Variants in OXNAD1 observed in about 807,000 individuals in gnomAD.
OXNAD1 encodes oxidoreductase NAD-binding domain-containing protein 1.
OXNAD1 carries 34 observed loss-of-function variants against 32.9 expected under a neutral mutation model. The observed-to-expected ratio is 1.03, with a 90% CI of 0.79 to 1.38. The LOEUF (loss-of-function observed/expected upper bound fraction) is 1.38. Among genes scored for constraint, OXNAD1 ranks in the 40% most tolerant of loss-of-function variants. OXNAD1 has a pLI of 0.00. For missense variants in OXNAD1, 407 were observed against 379.4 expected (o/e 1.07, Z -0.60); for synonymous variants, 134 against 135.2 (o/e 0.99, Z 0.06).
Position 16,265,234 on chromosome 3 carries a change from A to C in OXNAD1, c.-430A>C. ...GGAGTATTCCAGGCGCCTGCAACTA[A>C]ACGTGGCCGGGTCTGCAAGCTAGGT... On this transcript the variant is annotated 5_prime_UTR_variant, in exon 1 of 9. Coordinates refer to ENST00000285083, the MANE Select transcript of OXNAD1 (RefSeq NM_138381.5). This position sits in a 1 kb window ranked among gnomAD's most constrained non-coding sequence, Gnocchi z 4.8. 1 of 258,366 alleles carries C rather than the reference A, an allele frequency of 3.9e-6. No homozygotes were observed. Among genetic ancestry groups the C allele is most frequent in the Non-Finnish European group, 7.5e-6 (1 of 132,828 alleles). The allele number at this position is 258,366 out of a possible 1,614,324, so 16.0% of individuals were successfully genotyped here.
At chr3:16,350,473 C>G (rs1286647663), downstream of OXNAD1, among the ~76,000 whole-genome samples, 1 of 149,604 alleles carries the variant, frequency 6.7e-6, no homozygotes, top group Non-Finnish European at 1.5e-5. Flanking sequence ...TTTAAATGAG[C>G]TCAAGCTGAG....
chr3:16,276,502 C>T, intron 4 of OXNAD1: 1 of 165,424 alleles, frequency 6.0e-6, no homozygotes, highest in Non-Finnish European at 1.2e-5. Flanking sequence ...ACTAGAAACC[C>T]ATCAATCTTG....
At position 16,303,662 on chromosome 3, in the gene OXNAD1, T is replaced by A. The variant is rs544034499; in HGVS notation, c.*100T>A. On this transcript the variant is annotated 3_prime_UTR_variant, in exon 9 of 9. Coordinates refer to ENST00000285083, the MANE Select transcript of OXNAD1 (RefSeq NM_138381.5). This position sits in a 1 kb window ranked among gnomAD's most constrained non-coding sequence, Gnocchi z 4.8. The stretch of plus-strand genomic sequence containing the variant: ...ATTTTTTTTATCTCTACTTGAGTTG[T>A]CTTATTTTTTAAGGCTATAAACTTA... The A allele has an allele frequency of 7.7e-7, 1 of 1,290,648 alleles. No individual in the cohort carries two copies. The highest frequency in any genetic ancestry group is 1.7e-5 in the South Asian group (1 of 58,116). 79.9% of individuals were successfully genotyped at this position (1,290,648 alleles called of 1,614,324 possible).
chr3:16,326,885 A>T (rs1395418132), intron 9 of OXNAD1: 1 of 1,610,554 alleles, frequency 6.2e-7, no homozygotes, highest in Admixed American at 1.7e-5. Context: ...CCCTGGGGGA[A>T]CAAGGCCAGC....
rs1237604248 is a variant in OXNAD1 at position 16,303,977 on chromosome 3, ATAATT to A, written c.*419_*423del. On this transcript the variant is annotated 3_prime_UTR_variant, in exon 9 of 9. Transcript: ENST00000285083. This position sits in a 1 kb window ranked among gnomAD's most constrained non-coding sequence, Gnocchi z 4.8. ...TATATATCTTATGTTTAATGAAAGTATAATTTAAATACAATCTTAATAATTTTACT... is the reference window on the plus strand; with the variant it reads ...TATATATCTTATGTTTAATGAAAGTATAAATACAATCTTAATAATTTTACT... 2 of 152,864 alleles carry A rather than the reference ATAATT, an allele frequency of 1.3e-5. No homozygotes were observed. The highest frequency in any genetic ancestry group is 1.9e-4 in the East Asian group (1 of 5,230). The allele number at this position is 152,864 out of a possible 1,614,324, so 9.5% of individuals were successfully genotyped here. A position where few individuals can be genotyped will look rare whatever the true frequency, so the allele number is the denominator to read the frequency against.
Position 16,265,904 on chromosome 3 carries a change from C to G in OXNAD1, c.-159+399C>G. The G allele has an allele frequency of 2.0e-6, 2 of 985,048 alleles. No homozygotes were observed. Among genetic ancestry groups the G allele is most frequent in the Non-Finnish European group, 2.4e-6 (2 of 829,618 alleles). The allele number at this position is 985,048 out of a possible 1,614,324, so 61.0% of individuals were successfully genotyped here. On this transcript the variant is annotated intron_variant, in intron 1 of 8. Coordinates refer to ENST00000285083, the MANE Select transcript of OXNAD1 (RefSeq NM_138381.5). The surrounding 1 kb of genome is among the most constrained non-coding windows in gnomAD (Gnocchi z 4.8). Reference sequence around the variant, plus strand: ...TTGTGAAAGAAATGGTGTCAGTAGGCAGGTTTATCAGTGTGAGGCCTATGT... The same window carrying G: ...TTGTGAAAGAAATGGTGTCAGTAGGGAGGTTTATCAGTGTGAGGCCTATGT...
intron 4 of OXNAD1, chr3:16,276,113 A>G (rs1371204761): frequency 6.0e-6 from 1 of 166,468 alleles, no homozygotes; most frequent in African/African-American, 2.4e-5. Flanking sequence ...AGCCTGGGCA[A>G]CAGAGTAAGA....
chr3:16,295,470 G>A (rs2066722242), intron 6 of OXNAD1, among the ~76,000 whole-genome samples: 1 of 152,110 alleles, frequency 6.6e-6, no homozygotes, highest in African/African-American at 2.4e-5. Context: ...TGTCTGGAAA[G>A]CTCTTCACTC....
chr3:16,323,358 G>C, intron 9 of OXNAD1: 1 of 1,568,794 alleles, frequency 6.4e-7, no homozygotes, highest in South Asian at 1.1e-5. Flanking sequence ...ACCTAGGAAG[G>C]CCATCAAAGT....
At chr3:16,310,106 A>C (rs1367695949), downstream of OXNAD1, among the ~76,000 whole-genome samples, 2 of 152,252 alleles carry the variant, frequency 1.3e-5, no homozygotes, top group Non-Finnish European at 2.9e-5. Context: ...TAGTGGAATT[A>C]CCGTTAGTAA....
Position 16,316,440 on chromosome 3 carries a change from G to C in OXNAD1, c.*30+12848G>C. ...CCCACACGATGTGGGATGAACAGCAGCCTTGGTTTGTAGCCCAGGGTGTCC... is the reference window on the plus strand; with the variant it reads ...CCCACACGATGTGGGATGAACAGCACCCTTGGTTTGTAGCCCAGGGTGTCC... On this transcript the variant is annotated intron_variant, in intron 9 of 9. Coordinates refer to the OXNAD1 transcript ENST00000435829. The surrounding 1 kb of genome is among the most constrained non-coding windows in gnomAD (Gnocchi z 4.5). 1 of 281,660 alleles carries C rather than the reference G, an allele frequency of 3.6e-6. No individual in the cohort carries two copies. The highest frequency in any genetic ancestry group is 6.8e-6 in the Non-Finnish European group (1 of 146,734). 17.4% of individuals were successfully genotyped at this position (281,660 alleles called of 1,614,324 possible).
At chr3:16,292,455 A>G (rs2066497654) in intron 5 of OXNAD1, among the ~76,000 whole-genome samples, 1 of 152,100 alleles carries the variant, frequency 6.6e-6, no homozygotes, top group Admixed American at 6.5e-5. Flanking sequence ...GGCCTCCCAA[A>G]GTGCTGGGAT....
In OXNAD1 at chr3:16,334,828, T is replaced by C. The variant is rs1006509924; in HGVS notation, c.*31-2284T>C. Among the ~76,000 whole-genome samples, 1 of 151,980 alleles carries C rather than the reference T, an allele frequency of 6.6e-6. No individual in the cohort carries two copies. The highest frequency in any genetic ancestry group is 2.4e-5 in the African/African-American group (1 of 41,330). On this transcript the variant is annotated intron_variant, in intron 9 of 9. Coordinates refer to the OXNAD1 transcript ENST00000435829. The surrounding 1 kb of genome is among the most constrained non-coding windows in gnomAD (Gnocchi z 4.3). ...AAGCTAAGGATCTTGAGATGGAGAG[T>C]TTATCCAGGATTATCCAGGTGTGCC...
intron 9 of OXNAD1, among the ~76,000 whole-genome samples, chr3:16,313,301 C>G (rs1054986358): frequency 6.7e-6 from 1 of 150,004 alleles, no homozygotes; most frequent in African/African-American, 2.5e-5. Context: ...TCTCAGCCTC[C>G]CAAAGTGCTG....
downstream of OXNAD1, chr3:16,339,605 C>T (rs1044107476): frequency 6.6e-6 from 1 of 152,176 alleles, no homozygotes; most frequent in African/African-American, 2.4e-5. Flanking sequence ...GATGAAAAAC[C>T]CAAAGTCCAG....
rs756728744 is a variant in OXNAD1, at chr3:16,299,607, A to G, written c.433-2019A>G. 2.6e-5 allele frequency among the ~76,000 whole-genome samples: 4 copies of G among 152,178 alleles called. No individual in the cohort carries two copies. The highest frequency in any genetic ancestry group is 4.8e-5 in the African/African-American group (2 of 41,444). On this transcript the variant is annotated intron_variant, in intron 6 of 8. Coordinates refer to ENST00000285083, the MANE Select transcript of OXNAD1 (RefSeq NM_138381.5). This position sits in a 1 kb window ranked among gnomAD's most constrained non-coding sequence, Gnocchi z 4.4. ...TTAGATCTTCTCTAAATTTAACTCA[A>G]CTTTAACTTGCAGAGACCAAATTAA...
In OXNAD1 at chr3:16,284,906, G is replaced by A. The variant is rs888130375; in HGVS notation, c.184-1436G>A. ...GCTGAATTGCTTTGAATTGCAAATG[G>A]CATTAGATGTAATCTTTGATGAAAC... is the stretch of plus-strand genomic sequence containing the variant. On this transcript the variant is annotated intron_variant, in intron 4 of 8. Coordinates refer to ENST00000285083, the MANE Select transcript of OXNAD1 (RefSeq NM_138381.5). This position sits in a 1 kb window ranked among gnomAD's most constrained non-coding sequence, Gnocchi z 4.1. Among the ~76,000 whole-genome samples the A allele has an allele frequency of 2.0e-5, 3 of 152,210 alleles. No individual in the cohort carries two copies. The highest frequency in any genetic ancestry group is 2.0e-4 in the Admixed American group (3 of 15,278).
chr3:16,325,857 C>T (rs1218695851), intron 9 of OXNAD1, among the ~76,000 whole-genome samples: 2 of 152,348 alleles, frequency 1.3e-5, no homozygotes, highest in African/African-American at 2.4e-5. Context: ...TGCTGTCCAT[C>T]ACTCTGCAGT....
Position 16,268,371 on chromosome 3 carries a change from C to T in OXNAD1, c.-158-755C>T, listed in dbSNP as rs113605524. On this transcript the variant is annotated intron_variant, in intron 1 of 8. Coordinates refer to ENST00000285083, the MANE Select transcript of OXNAD1 (RefSeq NM_138381.5). Reference sequence around the variant, plus strand: ...TGAGACTGAGTTTCGCTCTTGTTGCCCAGGCTGGAGTGTAATGGCATGATC... The same window carrying T: ...TGAGACTGAGTTTCGCTCTTGTTGCTCAGGCTGGAGTGTAATGGCATGATC... Among the ~76,000 whole-genome samples the T allele has an allele frequency of 6.4e-5, 8 of 124,776 alleles. No homozygotes were observed. The East Asian group carries it at 1.8e-3, about 28-fold the overall frequency. 81.9% of individuals were successfully genotyped at this position (124,776 alleles called of 152,430 possible).
Sources: allele counts gnomAD v4.1 joint callset (sites outside exome capture counted in the v4.1 genomes callset), GRCh38; gene constraint gnomAD v4.1.1; non-coding constraint Gnocchi (gnomAD v3.1); transcripts MANE v1.5; gene names NCBI Gene and HGNC (gene_info 2026-07-23, HGNC 2026-07-21).